MYLK: variants seen among roughly 807,000 people sequenced by gnomAD.
MYLK encodes myosin light chain kinase, also known as myosin light chain kinase, smooth muscle.
In MYLK, 106 loss-of-function variants were observed where a neutral mutation model predicts 203.4. The ratio of observed to expected loss-of-function variants is 0.52; its 90% CI spans 0.45 to 0.61. The LOEUF (loss-of-function observed/expected upper bound fraction) is 0.61, where lower values mean the gene tolerates loss of function less well. Among genes scored for constraint, MYLK ranks in the 20% least tolerant of loss-of-function variants. The probability of loss-of-function intolerance (pLI) is 0.00; values close to 1 mark genes in which losing one functional copy is unlikely to be tolerated. For synonymous variants in MYLK, 867 were observed against 959.5 expected, an observed-to-expected ratio of 0.90 and a Z score of 1.78; for missense variants, 2,072 against 2,442.3, an observed-to-expected ratio of 0.85 and a Z score of 3.20.
intron 16 of MYLK, 21 bp from the exon 17 acceptor site, chr3:123,701,530 A>G (rs755782035): frequency 1.9e-5 from 30 of 1,612,622 alleles, no homozygotes; most frequent in Non-Finnish European, 2.4e-5. Flanking sequence ...CCAAAGATCA[A>G]TAAAGATCAA....
chr3:123,751,989 C>T (rs1333660974), intron 5 of MYLK, among the ~76,000 whole-genome samples: 1 of 151,972 alleles, frequency 6.6e-6, no homozygotes. Flanking sequence ...TGCAGAGTGG[C>T]AGAAGATGGG....
At chr3:123,829,689 C>T (rs529811840) in intron 3 of MYLK, among the ~76,000 whole-genome samples, 3 of 152,316 alleles carry the variant, frequency 2.0e-5, no homozygotes, top group African/African-American at 7.2e-5. Context: ...TATATCAAAA[C>T]ATCACCATGT....
At chr3:123,738,606 G>C (rs1463115218) in intron 7 of MYLK, among the ~76,000 whole-genome samples, 2 of 152,168 alleles carry the variant, frequency 1.3e-5, no homozygotes, top group Non-Finnish European at 2.9e-5. Flanking sequence ...CTGAATCATA[G>C]GGTGGGTTTT....
chr3:123,838,136 A>G (rs2066515573), intron 2 of MYLK, among the ~76,000 whole-genome samples: 1 of 152,142 alleles, frequency 6.6e-6, no homozygotes, highest in Admixed American at 6.5e-5. Context: ...TATAATCTTC[A>G]AGTGGCTGAA....
chr3:123,653,126 C>T (rs702032), intron 24 of MYLK, among the ~76,000 whole-genome samples: 48,221 of 151,842 alleles, frequency 0.32, 13,805 homozygotes, highest in African/African-American at 0.74. Context: ...CAACATTAGC[C>T]GGGCTTCATG....
chr3:123,760,659 A>G (rs970709375), intron 4 of MYLK, among the ~76,000 whole-genome samples: 3 of 152,196 alleles, frequency 2.0e-5, no homozygotes, highest in Non-Finnish European at 2.9e-5. Flanking sequence ...GCCCTAAGAA[A>G]TATCAGAACA....
chr3:123,757,716 G>T (rs79284445), intron 4 of MYLK, among the ~76,000 whole-genome samples: 9 of 152,232 alleles, frequency 5.9e-5, no homozygotes, highest in Non-Finnish European at 1.0e-4. Flanking sequence ...AGTAACTGAA[G>T]GGATGCTGGG....
At chr3:123,709,407 T>G (rs2061603779) in intron 14 of MYLK, 1 of 331,472 alleles carries the variant, frequency 3.0e-6, no homozygotes, top group Admixed American at 4.2e-5. Context: ...CACAAAGTGC[T>G]GGGATTACAG....
intron 1 of MYLK, among the ~76,000 whole-genome samples, chr3:123,878,361 T>C (rs1276400439): frequency 1.3e-5 from 2 of 152,240 alleles, no homozygotes; most frequent in Non-Finnish European, 2.9e-5. Context: ...CCGGGGCATC[T>C]TCCTGGTGTT....
chr3:123,728,788 G>C (rs1028624642), intron 11 of MYLK, among the ~76,000 whole-genome samples: 10 of 152,194 alleles, frequency 6.6e-5, no homozygotes, highest in African/African-American at 1.9e-4. Context: ...CCATGCGTAA[G>C]AGAATGGTCA....
chr3:123,657,843 T>C (rs190369853), intron 23 of MYLK, among the ~76,000 whole-genome samples: 11 of 152,340 alleles, frequency 7.2e-5, no homozygotes, highest in African/African-American at 2.2e-4. Flanking sequence ...TTCAGGCCCT[T>C]GGCCAATGAC....
intron 5 of MYLK, among the ~76,000 whole-genome samples, chr3:123,740,992 G>T (rs555744487): frequency 2.6e-4 from 39 of 152,312 alleles, no homozygotes; most frequent in Admixed American, 5.2e-4. Flanking sequence ...TTATTTTGAG[G>T]GGTGGGGTGG....
In MYLK at chr3:123,701,460, T is replaced by C. The variant is rs2061220448; in HGVS notation, c.2440A>G (p.Ser814Gly). ...SCQVSLMLQN[S>G]SARALPRGRE... ...CACCGTGGAAGGGCTCTGGCAGAGC[T>C]GTTCTGTAGCATCAGTGACACCTGG... The change falls in exon 17 of 34, where the codon AGC (serine) becomes GGC (glycine). Residue 814 changes from serine to glycine, a missense_variant. This residue lies in a region of MYLK where 865 missense variants were observed against 1,016.0 expected (regional missense o/e 0.85). Coordinates refer to ENST00000360304, the MANE Select transcript of MYLK (RefSeq NM_053025.4). The C allele has an allele frequency of 6.2e-7, 1 of 1,613,994 alleles. No individual in the cohort carries two copies. Among genetic ancestry groups the C allele is most frequent in the Non-Finnish European group, 8.5e-7 (1 of 1,180,028 alleles).
chr3:123,850,455 A>G (rs1348226483), intron 2 of MYLK, among the ~76,000 whole-genome samples: 2 of 152,300 alleles, frequency 1.3e-5, no homozygotes, highest in East Asian at 3.9e-4. Context: ...GTGAGATGGT[A>G]TCTCATTGCG....
At chr3:123,719,960 G>T (rs2062029679) in intron 13 of MYLK, among the ~76,000 whole-genome samples, 1 of 152,212 alleles carries the variant, frequency 6.6e-6, no homozygotes, top group Non-Finnish European at 1.5e-5. Flanking sequence ...ACCGTGCCAG[G>T]GGGTGTCGCT....
At position 123,653,898 on chromosome 3, in the gene MYLK, A is replaced by G. The variant is rs138149895; in HGVS notation, c.4288+3228T>C. Among the ~76,000 whole-genome samples, 19 of 152,274 alleles carry G rather than the reference A, an allele frequency of 1.2e-4. No individual in the cohort carries two copies. The East Asian group carries it at 3.5e-3, about 28-fold the overall frequency. The stretch of plus-strand genomic sequence containing the variant: ...TCCTTTTCCTGTCACTTTTCCAAGT[A>G]ACATCCTAACACCACAGACTGGAAC... On this transcript the variant is annotated intron_variant, in intron 24 of 33. Transcript: ENST00000360304.
At chr3:123,647,039 A>C in intron 27 of MYLK, 185 bp downstream of exon 27, 1 of 645,980 alleles carries the variant, frequency 1.5e-6, no homozygotes, top group East Asian at 2.7e-5. Flanking sequence ...CAGGGCCAGC[A>C]CTGTGCACAG....
chr3:123,802,918 C>A lies in MYLK; in HGVS notation c.-3-9074G>T, dbSNP rs116239264. On this transcript the variant is annotated intron_variant, in intron 3 of 33. Transcript: ENST00000360304. ...TGGGGTATCAAGTATACTTATTGAA[C>A]TCCTACCACCACTGTCTCCTTCTCA... Among the ~76,000 whole-genome samples, 337 of 152,272 alleles carry A rather than the reference C, an allele frequency of 2.2e-3. 1 individual carries two copies. Among genetic ancestry groups the A allele is most frequent in the African/African-American group, 7.7e-3 (320 of 41,546 alleles).
In MYLK at chr3:123,759,306, G is replaced by A. The variant is rs113858281; in HGVS notation, c.166-6768C>T. Among the ~76,000 whole-genome samples, 856 of 152,216 alleles carry A rather than the reference G, an allele frequency of 5.6e-3. 11 individuals are homozygous for A. Among genetic ancestry groups the A allele is most frequent in the African/African-American group, 0.02 (816 of 41,524 alleles). The stretch of plus-strand genomic sequence containing the variant: ...TACACAAAACTTTGGGGTTCTGGCT[G>A]TACTCTCACCATGGGTCTCCACGGA... On this transcript the variant is annotated intron_variant, in intron 4 of 33. Transcript: ENST00000360304.
Sources: gnomAD v4.1 joint callset for allele counts (sites outside exome capture counted in the v4.1 genomes callset) on GRCh38, gnomAD v4.1.1 for gene constraint, gnomAD v4.1.1 regional missense constraint, MANE v1.5 for transcripts, NCBI Gene and HGNC (gene_info 2026-07-23, HGNC 2026-07-21) for gene names.